Variants in PCDHGB5 observed in about 807,000 individuals in gnomAD.
PCDHGB5 encodes the protein protocadherin gamma subfamily B, 5, also known as protocadherin gamma-B5.
Under a neutral mutation model 62.9 loss-of-function variants are expected in PCDHGB5, and 48 were observed. The ratio of observed to expected loss-of-function variants is 0.76; its 90% CI spans 0.61 to 0.97. The LOEUF is 0.97. Among genes scored for constraint, PCDHGB5 ranks in the 50% least tolerant of loss-of-function variants. PCDHGB5 has a pLI of 0.00. For missense variants in PCDHGB5, 1,118 were observed against 1,198.6 expected (o/e 0.93, Z 0.99); for synonymous variants, 474 against 511.2 (o/e 0.93, Z 0.98).
chr5:141,503,077 TCTC>T (rs1212079220), intron 2 of PCDHGB5, among the ~76,000 whole-genome samples: 1 of 151,810 alleles, frequency 6.6e-6, no homozygotes, highest in African/African-American at 2.4e-5. Flanking sequence ...ATGGTCTCGA[TCTC>T]CTGACCTCGT....
At chr5:141,419,279 G>C in intron 1 of PCDHGB5, 1 of 1,614,042 alleles carries the variant, frequency 6.2e-7, no homozygotes, top group South Asian at 1.1e-5. Flanking sequence ...CATAGCGCAA[G>C]TCAGTGCCTC....
chr5:141,499,104 C>A (rs2099789508), intron 2 of PCDHGB5, among the ~76,000 whole-genome samples: 1 of 152,120 alleles, frequency 6.6e-6, no homozygotes, highest in African/African-American at 2.4e-5. Flanking sequence ...CTTCTCCTCC[C>A]CACCACTATC....
intron 1 of PCDHGB5, among the ~76,000 whole-genome samples, chr5:141,492,745 C>G (rs2099743569): frequency 6.6e-6 from 1 of 152,262 alleles, no homozygotes; most frequent in Non-Finnish European, 1.5e-5. Flanking sequence ...GTGGCCGAGG[C>G]GCGGCAGGGC....
chr5:141,417,821 A>G (rs769813917), intron 1 of PCDHGB5: 1 of 1,514,942 alleles, frequency 6.6e-7, no homozygotes, highest in African/African-American at 1.4e-5. Flanking sequence ...ACTTTCTCCA[A>G]CTGGAAAAGC....
chr5:141,478,847 AAC>A (rs2099480409), intron 1 of PCDHGB5: 1 of 1,389,782 alleles, frequency 7.2e-7, no homozygotes, highest in South Asian at 1.5e-5. Context: ...GTTAAGCTAA[AAC>A]ACAAGATCTC....
rs1214425261 is a variant in PCDHGB5 at position 141,485,865 on chromosome 5, C to G, written c.2398-8942C>G. On this transcript the variant is annotated intron_variant, in intron 1 of 3. Coordinates refer to ENST00000617380, the MANE Select transcript of PCDHGB5 (RefSeq NM_018925.3). This position sits in a 1 kb window ranked among gnomAD's most constrained non-coding sequence, Gnocchi z 5.7. The stretch of plus-strand genomic sequence containing the variant: ...TCTGGCACCGCAGAGCTCCGGGTAT[C>G]CGTGCTGGACGTAAACGACAACGCC... The G allele has an allele frequency of 1.2e-6, 2 of 1,614,182 alleles. No individual in the cohort carries two copies.
At chr5:141,419,889 A>T in intron 1 of PCDHGB5, 1 of 1,614,084 alleles carries the variant, frequency 6.2e-7, no homozygotes, top group Middle Eastern at 1.6e-4. Flanking sequence ...GATTTCAGCG[A>T]CCATCCCACA....
intron 1 of PCDHGB5, chr5:141,410,044 C>T (rs1220745023): frequency 1.7e-5 from 27 of 1,613,184 alleles, no homozygotes; most frequent in Admixed American, 3.3e-5. Context: ...CCAGTGAGCC[C>T]GGACTCTTCA....
intron 1 of PCDHGB5, among the ~76,000 whole-genome samples, chr5:141,466,036 G>C (rs981390655): frequency 1.3e-5 from 2 of 152,064 alleles, no homozygotes; most frequent in Non-Finnish European, 2.9e-5. Context: ...GCAGGAGAAC[G>C]GCATGAACCC....
In PCDHGB5 at chr5:141,410,593, G is replaced by C. The variant is rs921521742; in HGVS notation, c.2397+10069G>C. ...TTCCACCTCATGGTGGGGAGGATTT[G>C]ACTTCACATCCTGAGACTCTGACTT... On this transcript the variant is annotated intron_variant, in intron 1 of 3. Coordinates refer to ENST00000617380, the MANE Select transcript of PCDHGB5 (RefSeq NM_018925.3). The C allele has an allele frequency of 2.5e-6, 4 of 1,608,934 alleles. No individual in the cohort carries two copies. In the African/African-American group the frequency reaches 5.3e-5, roughly 21 times the overall value.
At chr5:141,475,553 TTGTC>T (rs2099365287) in intron 1 of PCDHGB5, among the ~76,000 whole-genome samples, 2 of 152,260 alleles carry the variant, frequency 1.3e-5, no homozygotes, top group Non-Finnish European at 2.9e-5. Context: ...GTCCGGCTAA[TTGTC>T]TGTCTTCCAA....
chr5:141,451,528 G>C (rs1451101169), intron 1 of PCDHGB5, among the ~76,000 whole-genome samples: 8 of 152,210 alleles, frequency 5.3e-5, no homozygotes. Flanking sequence ...AAGTAAAGGA[G>C]AGTGCCAGAG....
At position 141,399,842 on chromosome 5, in the gene PCDHGB5, A is replaced by G. The variant is rs749737928; in HGVS notation, c.1715A>G (p.Asp572Gly). ...ALGPDGSALF[D>G]MVPRAAEPGY... is the part of the protein sequence containing the mutation. The stretch of plus-strand genomic sequence containing the variant: ...GGTCCCGACGGCTCTGCGCTCTTCG[A>G]TATGGTGCCGCGCGCTGCAGAGCCC... Residue 572 changes from aspartate (D) to glycine (G), a missense_variant, in exon 1 of 4, where the codon GAT becomes GGT. Physicochemically the swap from Asp to Gly is moderately conservative, Grantham distance 94 (BLOSUM62 -1). Coordinates refer to ENST00000617380, the MANE Select transcript of PCDHGB5 (RefSeq NM_018925.3). The G allele has an allele frequency of 6.8e-6, 11 of 1,612,852 alleles. No homozygotes were observed. The highest frequency in any genetic ancestry group is 8.5e-7 in the Non-Finnish European group (1 of 1,179,766).
intron 1 of PCDHGB5, among the ~76,000 whole-genome samples, chr5:141,437,026 A>G (rs1398960659): frequency 6.6e-6 from 1 of 152,258 alleles, no homozygotes; most frequent in Non-Finnish European, 1.5e-5. Context: ...TCACCAGAAA[A>G]TGGATCACCG....
intron 1 of PCDHGB5, chr5:141,405,058 T>C (rs1174407561): frequency 1.2e-6 from 2 of 1,613,912 alleles, no homozygotes; most frequent in East Asian, 2.2e-5. Flanking sequence ...TCGTCTCCTG[T>C]GTCTTCCTCA....
At position 141,512,348 on chromosome 5, in the gene PCDHGB5, G is replaced by C. The variant is rs1172891268; in HGVS notation, c.*1175G>C. 4 of 152,886 alleles carry C rather than the reference G, an allele frequency of 2.6e-5. No homozygotes were observed. The highest frequency in any genetic ancestry group is 9.6e-5 in the African/African-American group (4 of 41,462). The allele number at this position is 152,886 out of a possible 1,614,324, so 9.5% of individuals were successfully genotyped here. A position where few individuals can be genotyped will look rare whatever the true frequency, so the allele number is the denominator to read the frequency against. ...GGCCATTCTTAGTCCCTGGGTTGGG[G>C]AGGCAGGGAGCTAGGGCAGGGACCA... On this transcript the variant is annotated 3_prime_UTR_variant, in exon 4 of 4. Transcript: ENST00000617380.
Position 141,491,874 on chromosome 5 carries a change from T to G in PCDHGB5, c.2398-2933T>G, listed in dbSNP as rs1160702024. On this transcript the variant is annotated intron_variant, in intron 1 of 3. Coordinates refer to ENST00000617380, the MANE Select transcript of PCDHGB5 (RefSeq NM_018925.3). The surrounding 1 kb of genome is among the most constrained non-coding windows in gnomAD (Gnocchi z 6.9). ...GTTTGCGCGAAACCAGAGTGGCCGA[T>G]TAAGGGATGGGGCTCCGAGCACCGG... 15 of 1,451,168 alleles carry G rather than the reference T, an allele frequency of 1.0e-5. No homozygotes were observed. The highest frequency in any genetic ancestry group is 1.4e-5 in the Non-Finnish European group (15 of 1,098,162). 89.9% of individuals were successfully genotyped at this position (1,451,168 alleles called of 1,614,324 possible). A position where few individuals can be genotyped will look rare whatever the true frequency, so the allele number is the denominator to read the frequency against.
At position 141,487,543 on chromosome 5, in the gene PCDHGB5, A is replaced by G. The variant is rs2099649285; in HGVS notation, c.2398-7264A>G. On this transcript the variant is annotated intron_variant, in intron 1 of 3. Coordinates refer to ENST00000617380, the MANE Select transcript of PCDHGB5 (RefSeq NM_018925.3). This position sits in a 1 kb window ranked among gnomAD's most constrained non-coding sequence, Gnocchi z 5.0. ...GTGATAGCTTCATGATGGTGAAGTC[A>G]CCCAGTGCACCTATGGCAGGGGAGC... is the stretch of plus-strand genomic sequence containing the variant. The G allele has an allele frequency of 3.7e-6, 6 of 1,614,114 alleles. No homozygotes were observed. In the South Asian group the frequency reaches 5.5e-5, roughly 15 times the overall value.
In PCDHGB5 at chr5:141,447,157, T is replaced by A. The variant is rs569196292; in HGVS notation, c.2397+46633T>A. On this transcript the variant is annotated intron_variant, in intron 1 of 3. Transcript: ENST00000617380. The stretch of plus-strand genomic sequence containing the variant: ...TTTGTTTTTTGTTTTTGTTTTTGTT[T>A]AAGCGGGGTCTTGCTCTTGTCGCGC... Among the ~76,000 whole-genome samples the A allele has an allele frequency of 4.1e-4, 62 of 152,254 alleles. No homozygotes were observed. The South Asian group carries it at 0.013, about 31-fold the overall frequency.
Sources: allele counts gnomAD v4.1 joint callset (sites outside exome capture counted in the v4.1 genomes callset), GRCh38; gene constraint gnomAD v4.1.1; non-coding constraint Gnocchi (gnomAD v3.1); transcripts MANE v1.5; gene names NCBI Gene and HGNC (gene_info 2026-07-23, HGNC 2026-07-21).